PPEF1: variants seen among roughly 807,000 people sequenced by gnomAD.
PPEF1 encodes serine/threonine-protein phosphatase with EF-hands 1.
Under a neutral mutation model 53.3 loss-of-function variants are expected in PPEF1, and 12 were observed. The observed-to-expected ratio is 0.23, with a 90% confidence interval of 0.14 to 0.36. The LOEUF is 0.36. Among genes scored for constraint, PPEF1 ranks in the 10% least tolerant of loss-of-function variants. The pLI, the probability that PPEF1 is intolerant of heterozygous loss-of-function variation, is 1.00. For missense variants in PPEF1, 334 were observed against 490.4 expected (o/e 0.68, Z 3.01); for synonymous variants, 165 against 176.7 (o/e 0.93, Z 0.52).
chrX:18,825,624 T>G, intron 14 of PPEF1, 127 bp from the exon 15 acceptor site: 1 of 410,295 alleles, frequency 2.4e-6, no homozygotes, highest in Non-Finnish European at 4.0e-6. Context: ...AAGTCTGGCC[T>G]TCTCAGATTT....
intron 10 of PPEF1, among the ~76,000 whole-genome samples, chrX:18,792,184 C>T (rs1255098601): frequency 1.8e-5 from 2 of 112,062 alleles, no homozygotes; most frequent in African/African-American, 3.2e-5. Context: ...AGTTTGGCCT[C>T]ATAAGAGGAA....
intron 12 of PPEF1, among the ~76,000 whole-genome samples, chrX:18,808,554 A>G (rs1318939489): frequency 4.5e-5 from 1 of 22,211 alleles, no homozygotes; most frequent in East Asian, 5.6e-4. Flanking sequence ...CTCAACAGCA[A>G]AAAAAAAAAA....
rs1284707639 is a variant in PPEF1 at position 18,676,583 on chromosome X, C to G, written c.-587+453C>G. Among the ~76,000 whole-genome samples, 8 of 111,204 alleles carry G rather than the reference C, an allele frequency of 7.2e-5. 1 individual carries two copies. The Admixed American group carries it at 7.6e-4, about 11-fold the overall frequency. On this transcript the variant is annotated intron_variant, in intron 1 of 20. Coordinates refer to the PPEF1 transcript ENST00000689646. Reference sequence around the variant, plus strand: ...GTGGCCAGCCACCGGCCGGAGGATACGTTCCTGAGAGCTCCACGTTTCCCA... The same window carrying G: ...GTGGCCAGCCACCGGCCGGAGGATAGGTTCCTGAGAGCTCCACGTTTCCCA...
At chrX:18,786,336 C>T (rs2046198364) in intron 9 of PPEF1, among the ~76,000 whole-genome samples, 1 of 112,033 alleles carries the variant, frequency 8.9e-6, no homozygotes, top group Non-Finnish European at 1.9e-5. Context: ...ATTAGACAGA[C>T]AGAACTAGGT....
chrX:18,798,604 C>G (rs1330481177), intron 10 of PPEF1, among the ~76,000 whole-genome samples: 3 of 110,961 alleles, frequency 2.7e-5, no homozygotes, highest in African/African-American at 6.6e-5. Context: ...ATCTAGGTAC[C>G]TGGCTGGAAG....
chrX:18,788,984 C>T, intron 9 of PPEF1, 137 bp from the exon 10 acceptor site: 2 of 728,583 alleles, frequency 2.7e-6, no homozygotes, highest in South Asian at 2.9e-5. Flanking sequence ...AGGAGGTGGA[C>T]GAGATGCAAA....
At chrX:18,692,508 C>T (rs777539466) in intron 4 of PPEF1, among the ~76,000 whole-genome samples, 1 of 111,998 alleles carries the variant, frequency 8.9e-6, no homozygotes, top group African/African-American at 3.2e-5. Context: ...ATGTCTCTGT[C>T]TCCCTCACTC....
At position 18,782,392 on chromosome X, in the gene PPEF1, A is replaced by G. The variant is rs1446272281; in HGVS notation, c.752A>G (p.His251Arg). Residue 251 changes from histidine to arginine, a missense_variant, in exon 8 of 16, where the codon CAT (histidine) becomes CGT (arginine). Transcript: ENST00000470157. ...TATGGCTTCACGAAAGAAATTTTGC[A>G]TAAATATAAGGTAAGACATGCTTTT... is the stretch of plus-strand genomic sequence containing the variant. Reference protein sequence around the residue: ...LRYGFTKEILHKYKLHGKRIL... With the variant: ...LRYGFTKEILRKYKLHGKRIL... 6 of 1,142,761 alleles carry G rather than the reference A, an allele frequency of 5.3e-6. No individual in the cohort carries two copies. The highest frequency in any genetic ancestry group is 7.1e-6 in the Non-Finnish European group (6 of 849,733). 94.2% of individuals were successfully genotyped at this position (1,142,761 alleles called of 1,213,427 possible).
At chrX:18,826,736 A>G (rs1448439633) in intron 15 of PPEF1, among the ~76,000 whole-genome samples, 2 of 109,971 alleles carry the variant, frequency 1.8e-5, no homozygotes, top group Non-Finnish European at 3.8e-5. Flanking sequence ...TTCTGCCTTT[A>G]GCTTTGATGC....
intron 9 of PPEF1, 122 bp from the exon 10 acceptor site, chrX:18,788,999 G>T: frequency 1.2e-6 from 1 of 855,346 alleles, no homozygotes; most frequent in South Asian, 2.8e-5. Flanking sequence ...TGCAAAAAGT[G>T]ACCGTGTGTT....
rs1256566245 is a variant in PPEF1 at position 18,707,665 on chromosome X, T to C, written c.-116T>C. The C allele has an allele frequency of 1.6e-6, 1 of 628,844 alleles. No individual in the cohort carries two copies. Among genetic ancestry groups the C allele is most frequent in the African/African-American group, 2.2e-5 (1 of 45,431 alleles). 51.8% of individuals were successfully genotyped at this position (628,844 alleles called of 1,213,427 possible). Reference sequence around the variant, plus strand: ...CCTGTGTATTCCTCATTAGAATCTATGACTGAAGAGGATCGGCTAAGAGTG... The same window carrying C: ...CCTGTGTATTCCTCATTAGAATCTACGACTGAAGAGGATCGGCTAAGAGTG... On this transcript the variant is annotated 5_prime_UTR_variant, in exon 1 of 16. The change abolishes an upstream ATG in the 5' untranslated region. Transcript: ENST00000470157.
At chrX:18,807,002 TG>T (rs1309626020) in intron 12 of PPEF1, among the ~76,000 whole-genome samples, 1,230 of 53,954 alleles carry the variant, frequency 0.023, 14 homozygotes, top group African/African-American at 0.079. Flanking sequence ...GTGTTTTTTT[TG>T]GTTTTTTTTT....
intron 12 of PPEF1, among the ~76,000 whole-genome samples, chrX:18,810,445 G>T (rs12855426): frequency 0.46 from 50,489 of 108,947 alleles, 8,842 homozygotes; most frequent in Non-Finnish European, 0.55. Flanking sequence ...GTTTAGAGTT[G>T]TGCAACTATC....
rs758944254 is a variant in PPEF1 at position 18,749,865 on chromosome X, C to T, written c.309C>T (p.Val103=). The change falls in exon 4 of 16, where the codon GTC becomes GTT. Residue 103 remains valine (V), a synonymous_variant. Transcript: ENST00000470157. The part of the protein sequence containing the change: ...DRWDYVDSID[V]PDSYNGPRLQ... ...GGGATTATGTGGACTCGATAGATGT[C>T]CCAGACTCCTATAATGGTCCTCGGC... 4.2e-6 allele frequency: 5 copies of T among 1,181,683 alleles called. No individual in the cohort carries two copies. The East Asian group carries it at 1.2e-4, about 29-fold the overall frequency.
Position 18,730,040 on chromosome X carries a change from A to G in PPEF1, c.47-141A>G, listed in dbSNP as rs2044799949. On this transcript the variant is annotated intron_variant, in intron 1 of 15. Coordinates refer to ENST00000470157, the MANE Select transcript of PPEF1 (RefSeq NM_001377996.1). Reference sequence around the variant, plus strand: ...CATTTTATAAAAAACATAAAAGTCAATCTCATTGTTTGGTGTTTTAATATT... The same window carrying G: ...CATTTTATAAAAAACATAAAAGTCAGTCTCATTGTTTGGTGTTTTAATATT... The G allele has an allele frequency of 5.4e-6, 3 of 553,273 alleles. No homozygotes were observed. In the East Asian group the frequency reaches 1.2e-4, roughly 23 times the overall value. 45.6% of individuals were successfully genotyped at this position (553,273 alleles called of 1,213,427 possible). A position where few individuals can be genotyped will look rare whatever the true frequency, so the allele number is the denominator to read the frequency against.
intron 1 of PPEF1, among the ~76,000 whole-genome samples, chrX:18,712,522 T>C (rs2044352168): frequency 8.9e-6 from 1 of 112,485 alleles, no homozygotes; most frequent in Non-Finnish European, 1.9e-5. Flanking sequence ...ACTGAACTCA[T>C]TAGCTCTAAT....
chrX:18,823,558 C>T (rs1473505344), intron 13 of PPEF1, among the ~76,000 whole-genome samples: 5 of 108,996 alleles, frequency 4.6e-5, no homozygotes, highest in Admixed American at 4.0e-4. Context: ...ACCCAGGAGG[C>T]GGAGGTTGCA....
intron 10 of PPEF1, among the ~76,000 whole-genome samples, chrX:18,800,354 T>A (rs1274199338): frequency 9.0e-6 from 1 of 110,966 alleles, no homozygotes; most frequent in Non-Finnish European, 1.9e-5. Context: ...ATATAAAACA[T>A]TCACATATCC....
At position 18,804,058 on chromosome X, in the gene PPEF1, A is replaced by G; in HGVS notation, c.1232A>G (p.Glu411Gly). 1.7e-6 allele frequency: 2 copies of G among 1,199,533 alleles called. No homozygotes were observed. Among genetic ancestry groups the G allele is most frequent in the South Asian group, 3.6e-5 (2 of 55,319 alleles). The stretch of plus-strand genomic sequence containing the variant: ...CATGAATGTAAGCCCGAAGGGTATG[A>G]AATCTGTCATGATGGGAAGGTAAGC... ...RSHECKPEGY[E>G]ICHDGKVVTI... The change falls in exon 11 of 16, where the codon GAA becomes GGA. Residue 411 changes from glutamate (E) to glycine (G), a missense_variant. Transcript: ENST00000470157.
Sources: allele counts gnomAD v4.1 joint callset (sites outside exome capture counted in the v4.1 genomes callset), GRCh38; gene constraint gnomAD v4.1.1; transcripts MANE v1.5; gene names NCBI Gene and HGNC (gene_info 2026-07-23, HGNC 2026-07-21).